DIAPH2: variants seen among roughly 807,000 people sequenced by gnomAD.
DIAPH2 encodes the protein diaphanous related formin 2, also known as protein diaphanous homolog 2.
A neutral mutation model predicts 92.7 loss-of-function variants in DIAPH2; 35 were observed. The ratio of observed to expected loss-of-function variants is 0.38; its 90% CI spans 0.29 to 0.50. The LOEUF is 0.50. DIAPH2 is among the 20% of genes least tolerant of loss of function. DIAPH2 has a pLI of 0.94. For missense variants in DIAPH2, 701 were observed against 819.5 expected, an observed-to-expected ratio of 0.86 and a Z score of 1.77; for synonymous variants, 301 against 280.4, an observed-to-expected ratio of 1.07 and a Z score of -0.73.
chrX:97,225,092 T>C (rs1429510002), intron 22 of DIAPH2, among the ~76,000 whole-genome samples: 2 of 110,697 alleles, frequency 1.8e-5, no homozygotes, highest in Admixed American at 9.7e-5. Flanking sequence ...TTACTCTAAT[T>C]AAATATTATG....
At chrX:96,754,396 A>C (rs2064211615) in intron 3 of DIAPH2, among the ~76,000 whole-genome samples, 1 of 112,143 alleles carries the variant, frequency 8.9e-6, no homozygotes, top group African/African-American at 3.2e-5. Context: ...GAGTATAAAA[A>C]CAGTCTACCA....
intron 4 of DIAPH2, among the ~76,000 whole-genome samples, chrX:96,852,580 G>A (rs947726193): frequency 5.4e-5 from 6 of 111,334 alleles, no homozygotes; most frequent in African/African-American, 2.0e-4. Flanking sequence ...TAACATATTG[G>A]CCTGGGTTGC....
At chrX:96,735,862 A>T (rs1413360702) in intron 2 of DIAPH2, 72 bp downstream of exon 2, 3 of 560,291 alleles carry the variant, frequency 5.4e-6, no homozygotes, top group Non-Finnish European at 8.6e-6. Context: ...TGGACATAAA[A>T]GCATTGATAT....
At chrX:96,920,555 C>G (rs1025528675) in intron 9 of DIAPH2, among the ~76,000 whole-genome samples, 2 of 111,677 alleles carry the variant, frequency 1.8e-5, no homozygotes, top group African/African-American at 6.5e-5. Flanking sequence ...CCAAAATCAC[C>G]CAGCTGTGTA....
At chrX:96,989,195 A>T (rs1330791618) in intron 17 of DIAPH2, among the ~76,000 whole-genome samples, 1 of 111,882 alleles carries the variant, frequency 8.9e-6, no homozygotes, top group Non-Finnish European at 1.9e-5. Context: ...AATTATTGAC[A>T]AACTGCCAAA....
intron 17 of DIAPH2, among the ~76,000 whole-genome samples, chrX:97,000,618 AAT>A (rs1239660602): frequency 2.3e-5 from 2 of 86,133 alleles, no homozygotes; most frequent in Non-Finnish European, 2.6e-5. Context: ...CATACAAATG[AAT>A]ACACACACAC....
At position 96,930,727 on chromosome X, in the gene DIAPH2, T is replaced by C. The variant is rs752545070; in HGVS notation, c.979-6T>C. The C allele has an allele frequency of 1.3e-5, 16 of 1,185,817 alleles. No homozygotes were observed. The South Asian group carries it at 3.1e-4, about 23-fold the overall frequency. ...TTTTAAAACAAAATTTGCTTTCTAATTGCAGGTGGCCTGCATGCAGTTTAT... is the reference window on the plus strand; with the variant it reads ...TTTTAAAACAAAATTTGCTTTCTAACTGCAGGTGGCCTGCATGCAGTTTAT... On this transcript the variant is annotated splice_polypyrimidine_tract_variant and splice_region_variant and intron_variant, in intron 9 of 26. Coordinates refer to ENST00000324765, the MANE Select transcript of DIAPH2 (RefSeq NM_006729.5).
At chrX:97,168,207 C>T (rs1172526783) in intron 22 of DIAPH2, among the ~76,000 whole-genome samples, 1 of 108,754 alleles carries the variant, frequency 9.2e-6, no homozygotes, top group Non-Finnish European at 1.9e-5. Flanking sequence ...ACCTCAGCCT[C>T]CCGCTGTAGC....
chrX:97,294,048 T>C (rs73550331), intron 23 of DIAPH2, among the ~76,000 whole-genome samples: 3,396 of 112,249 alleles, frequency 0.03, 116 homozygotes, highest in African/African-American at 0.1. Flanking sequence ...GCAGAATTTA[T>C]TGGCTGGATT....
At chrX:97,093,599 G>A (rs2066843790) in intron 19 of DIAPH2, among the ~76,000 whole-genome samples, 1 of 111,444 alleles carries the variant, frequency 9.0e-6, no homozygotes, top group Non-Finnish European at 1.9e-5. Context: ...GTTTAATATG[G>A]TTTATAATTT....
chrX:96,900,110 G>C (rs951322419), intron 5 of DIAPH2, among the ~76,000 whole-genome samples: 4 of 111,980 alleles, frequency 3.6e-5, no homozygotes, highest in Admixed American at 2.8e-4. Context: ...CATGAGCATG[G>C]GATGTGGTTC....
chrX:97,213,899 T>A (rs956284684), intron 22 of DIAPH2, among the ~76,000 whole-genome samples: 2 of 111,964 alleles, frequency 1.8e-5, no homozygotes, highest in Admixed American at 9.5e-5. Flanking sequence ...AATATTAACC[T>A]CAGTGCTATG....
chrX:96,818,678 C>T (rs900882142), intron 4 of DIAPH2, among the ~76,000 whole-genome samples: 4 of 111,985 alleles, frequency 3.6e-5, no homozygotes, highest in African/African-American at 9.7e-5. Context: ...TATTGGGATC[C>T]GTTTTGTCAC....
intron 22 of DIAPH2, among the ~76,000 whole-genome samples, chrX:97,217,119 A>T (rs1301166612): frequency 1.8e-5 from 2 of 112,035 alleles, no homozygotes; most frequent in African/African-American, 6.5e-5. Context: ...AATATATTTG[A>T]TGCTGGTCTT....
chrX:96,909,142 G>C (rs1485037623), intron 5 of DIAPH2, among the ~76,000 whole-genome samples: 1 of 111,959 alleles, frequency 8.9e-6, no homozygotes, highest in East Asian at 2.8e-4. Context: ...GTAGGTCTGA[G>C]GTAGGGCACA....
intron 4 of DIAPH2, among the ~76,000 whole-genome samples, chrX:96,865,473 C>CAA (rs2065098922): frequency 8.9e-6 from 1 of 111,853 alleles, no homozygotes; most frequent in Non-Finnish European, 1.9e-5. Flanking sequence ...AGAACACATG[C>CAA]AAAGGTCCTA....
chrX:97,344,385 G>A (rs1270882043), intron 23 of DIAPH2, among the ~76,000 whole-genome samples: 2 of 112,047 alleles, frequency 1.8e-5, no homozygotes, highest in Non-Finnish European at 3.8e-5. Context: ...ACTCCAGCCT[G>A]AGTAACAGAG....
At chrX:97,194,459 T>C (rs1394726310) in intron 22 of DIAPH2, among the ~76,000 whole-genome samples, 1 of 109,988 alleles carries the variant, frequency 9.1e-6, no homozygotes, top group East Asian at 2.9e-4. Context: ...TTTCTTTTTG[T>C]ATTTTTAGTA....
intron 22 of DIAPH2, among the ~76,000 whole-genome samples, chrX:97,155,105 CAGT>C (rs1422253972): frequency 8.9e-6 from 1 of 112,231 alleles, no homozygotes; most frequent in Non-Finnish European, 1.9e-5. Flanking sequence ...GTATTCTCAG[CAGT>C]AGTACAGGTG....
Sources: allele counts gnomAD v4.1 joint callset (sites outside exome capture counted in the v4.1 genomes callset), GRCh38; gene constraint gnomAD v4.1.1; transcripts MANE v1.5; gene names NCBI Gene and HGNC (gene_info 2026-07-23, HGNC 2026-07-21).